Variants in PKD1L1 observed in about 807,000 individuals in gnomAD.
PKD1L1 encodes the protein polycystin 1 like 1, transient receptor potential channel interacting.
Under a neutral mutation model 323.4 loss-of-function variants are expected in PKD1L1, and 236 were observed. The ratio of observed to expected loss-of-function variants is 0.73; its 90% CI spans 0.66 to 0.81. The LOEUF (loss-of-function observed/expected upper bound fraction) is 0.81. Ranked by LOEUF, PKD1L1 falls within the 40% of genes least tolerant of loss-of-function variation. PKD1L1 has a pLI of 0.00. For missense variants in PKD1L1, 3,320 were observed against 3,508.0 expected (o/e 0.95, Z 1.35); for synonymous variants, 1,344 against 1,335.0 (o/e 1.01, Z -0.15).
chr7:47,803,151 C>T (rs907205143), intron 53 of PKD1L1, 59 bp downstream of exon 53: 63 of 1,599,816 alleles, frequency 3.9e-5, no homozygotes, highest in Admixed American at 5.0e-5. Context: ...GAAAGGCTGA[C>T]GAGTACACAG....
chr7:47,937,379 C>T (rs867633369), intron 3 of PKD1L1, among the ~76,000 whole-genome samples: 4 of 152,042 alleles, frequency 2.6e-5, no homozygotes, highest in Admixed American at 6.5e-5. Context: ...TGGAGGCACA[C>T]CTGCTTCACT....
Position 47,800,753 on chromosome 7 carries a change from T to G in PKD1L1, c.8089A>C (p.Ser2697Arg). 1 of 1,614,118 alleles carries G rather than the reference T, an allele frequency of 6.2e-7. No individual in the cohort carries two copies. Among genetic ancestry groups the G allele is most frequent in the Non-Finnish European group, 8.5e-7 (1 of 1,180,030 alleles). The change falls in exon 54 of 57, where the codon AGC becomes CGC. Residue 2697 changes from serine to arginine, a missense_variant. Transcript: ENST00000289672. ...PGLLFHFPRR[S>R]QKDCLLGLSK... ...AGGCCAAGGAGGCAGTCTTTTTGGC[T>G]TCTTCTGGGAAAATGAAACAGCAGC...
At chr7:47,789,406 T>G (rs1287878957) in intron 56 of PKD1L1, among the ~76,000 whole-genome samples, 1 of 152,250 alleles carries the variant, frequency 6.6e-6, no homozygotes, top group Non-Finnish European at 1.5e-5. Flanking sequence ...TTGTACTCAC[T>G]TTGTTCATCA....
At chr7:47,852,027 C>A (rs1165448914) in intron 31 of PKD1L1, among the ~76,000 whole-genome samples, 2 of 152,144 alleles carry the variant, frequency 1.3e-5, no homozygotes, top group Admixed American at 6.5e-5. Flanking sequence ...ATGTTGATTT[C>A]TTTTCCTTAT....
rs188734246 is a variant in PKD1L1, at chr7:47,803,917, G to A, written c.7828-573C>T. On this transcript the variant is annotated intron_variant, in intron 52 of 56. Transcript: ENST00000289672. ...CAACTGGGGGGCATGGCAGACCCAG[G>A]GGCAAACAGCCTTATGGACTCGTCC... Among the ~76,000 whole-genome samples the A allele has an allele frequency of 2.3e-3, 348 of 152,248 alleles. 5 individuals carry two copies. The highest frequency in any genetic ancestry group is 8.1e-3 in the African/African-American group (338 of 41,540).
chr7:47,803,975 T>C (rs1388394462), intron 52 of PKD1L1, among the ~76,000 whole-genome samples: 1 of 152,156 alleles, frequency 6.6e-6, no homozygotes, highest in Non-Finnish European at 1.5e-5. Flanking sequence ...GGCTGCTCCC[T>C]TCTCCCCTCC....
Position 47,890,774 on chromosome 7 carries a change from A to G in PKD1L1, c.2454-11T>C, listed in dbSNP as rs1318433284. 6.2e-7 allele frequency: 1 copy of G among 1,610,874 alleles called. No individual in the cohort carries two copies. Among genetic ancestry groups the G allele is most frequent in the Non-Finnish European group, 8.5e-7 (1 of 1,179,316 alleles). On this transcript the variant is annotated splice_polypyrimidine_tract_variant and intron_variant, in intron 15 of 56. Coordinates refer to ENST00000289672, the MANE Select transcript of PKD1L1 (RefSeq NM_138295.5). ...CATTCCCAGTGATACCTGTTGGAGA[A>G]GTCATCGGAGTGGCTGAGGGGAGCA...
At chr7:47,880,265 C>CATAT (rs1223516389) in intron 21 of PKD1L1, among the ~76,000 whole-genome samples, 56 of 75,586 alleles carry the variant, frequency 7.4e-4, no homozygotes, top group East Asian at 2.9e-3. Flanking sequence ...TATATATATA[C>CATAT]ATATATATAT....
intron 46 of PKD1L1, chr7:47,818,207 C>A (rs773762647): frequency 7.4e-7 from 1 of 1,357,794 alleles, no homozygotes; most frequent in Non-Finnish European, 9.8e-7. Context: ...TGAGCAGATA[C>A]ATCTCTGCAA....
In PKD1L1 at chr7:47,843,070, T is replaced by C. The variant is rs769210455; in HGVS notation, c.5337A>G (p.Lys1779=). The C allele has an allele frequency of 1.2e-6, 2 of 1,613,856 alleles. No homozygotes were observed. Among genetic ancestry groups the C allele is most frequent in the Admixed American group, 3.3e-5 (2 of 59,980 alleles). ...AKSRQVDHHE[K]KKAGYIFLQE... is the part of the protein sequence containing the mutation. The stretch of plus-strand genomic sequence containing the variant: ...GCAGAAAGATGTAACCAGCTTTCTT[T>C]TTTTCATGATGATCTACTTGTCTAC... The change falls in exon 34 of 57, where the codon AAA becomes AAG. Residue 1779 remains lysine, a synonymous_variant. Coordinates refer to ENST00000289672, the MANE Select transcript of PKD1L1 (RefSeq NM_138295.5).
At chr7:47,877,066 G>A (rs530598236) in intron 22 of PKD1L1, among the ~76,000 whole-genome samples, 36 of 152,192 alleles carry the variant, frequency 2.4e-4, no homozygotes, top group Non-Finnish European at 4.4e-4. Flanking sequence ...AAATCACAAT[G>A]GTCTTCTCCA....
rs1278681634 is a variant in PKD1L1 at position 47,854,970 on chromosome 7, G to A, written c.4771C>T (p.Leu1591Phe). The part of the protein sequence containing the change: ...DKVNLHQFTE[L>F]SENPQESLQI... Reference sequence around the variant, plus strand: ...AGAGATTCCTGGGGGTTTTCGGAAAGCTCAGTGAACTGATGGAGATTCACT... The same window carrying A: ...AGAGATTCCTGGGGGTTTTCGGAAAACTCAGTGAACTGATGGAGATTCACT... Residue 1591 changes from leucine to phenylalanine, a missense_variant, in exon 30 of 57, where the codon CTT becomes TTT. By Grantham distance (22) the Leu-to-Phe change is conservative. Transcript: ENST00000289672. 7 of 1,613,968 alleles carry A rather than the reference G, an allele frequency of 4.3e-6. No individual in the cohort carries two copies. Among genetic ancestry groups the A allele is most frequent in the African/African-American group, 1.3e-5 (1 of 74,926 alleles).
intron 31 of PKD1L1, among the ~76,000 whole-genome samples, chr7:47,852,555 G>A (rs1362254144): frequency 6.6e-6 from 1 of 152,178 alleles, no homozygotes; most frequent in Admixed American, 6.5e-5. Context: ...GTTGCCTGTG[G>A]GTGCCACTTC....
At chr7:47,852,663 C>T (rs928731572) in intron 31 of PKD1L1, among the ~76,000 whole-genome samples, 2 of 152,022 alleles carry the variant, frequency 1.3e-5, no homozygotes, top group Non-Finnish European at 2.9e-5. Context: ...AGGGGTGAGC[C>T]CCAAACTTCA....
chr7:47,946,365 C>T lies in PKD1L1; in HGVS notation c.44+2032G>A, dbSNP rs530099122. 1.3e-5 allele frequency among the ~76,000 whole-genome samples: 2 copies of T among 151,134 alleles called. No individual in the cohort carries two copies. The highest frequency in any genetic ancestry group is 4.9e-5 in the African/African-American group (2 of 40,948). On this transcript the variant is annotated intron_variant, in intron 1 of 56. Transcript: ENST00000289672. The surrounding 1 kb of genome is among the most constrained non-coding windows in gnomAD (Gnocchi z 4.1). ...CAAATACCTACCACACAAACACACA[C>T]CACACACTCACACCACACCACACTC...
chr7:47,852,889 G>A (rs1481407021), intron 31 of PKD1L1, among the ~76,000 whole-genome samples: 1 of 152,120 alleles, frequency 6.6e-6, no homozygotes, highest in East Asian at 1.9e-4. Context: ...GACCACCTGG[G>A]AAGAGATGGG....
chr7:47,927,600 C>T (rs1787680082), intron 7 of PKD1L1, among the ~76,000 whole-genome samples: 1 of 152,262 alleles, frequency 6.6e-6, no homozygotes, highest in South Asian at 2.1e-4. Context: ...CTCATTGAAA[C>T]CCCATATTAG....
chr7:47,875,809 G>A (rs1455252052), intron 23 of PKD1L1, among the ~76,000 whole-genome samples: 1 of 152,072 alleles, frequency 6.6e-6, no homozygotes, highest in Non-Finnish European at 1.5e-5. Flanking sequence ...AGTAAGAAAT[G>A]TCCTGATTTT....
the PKD1L1 span, among the ~76,000 whole-genome samples, chr7:47,954,140 G>C: frequency 2.0e-5 from 3 of 152,200 alleles, 1 homozygote; most frequent in South Asian, 6.2e-4. Flanking sequence ...ATGATGTCAT[G>C]GTGCGCTAAG....
Sources: allele counts gnomAD v4.1 joint callset (sites outside exome capture counted in the v4.1 genomes callset), GRCh38; gene constraint gnomAD v4.1.1; non-coding constraint Gnocchi (gnomAD v3.1); transcripts MANE v1.5; gene names NCBI Gene and HGNC (gene_info 2026-07-23, HGNC 2026-07-21).